Variants in SLC7A2 observed in about 807,000 individuals in gnomAD.
SLC7A2 encodes cationic amino acid transporter 2.
Under a neutral mutation model 58.9 loss-of-function variants are expected in SLC7A2, and 48 were observed. The ratio of observed to expected loss-of-function variants is 0.82; its 90% CI spans 0.65 to 1.04. The LOEUF (loss-of-function observed/expected upper bound fraction) is 1.04, where lower values mean the gene tolerates loss of function less well. Ranked by LOEUF, SLC7A2 falls within the 50% of genes least tolerant of loss-of-function variation. The pLI, the probability that SLC7A2 is intolerant of heterozygous loss-of-function variation, is 0.00. For missense variants in SLC7A2, 1,029 were observed against 818.8 expected (o/e 1.26, Z -3.13); for synonymous variants, 363 against 314.5 (o/e 1.15, Z -1.63).
intron 2 of SLC7A2, among the ~76,000 whole-genome samples, chr8:17,521,282 C>A (rs1163883173): frequency 6.6e-6 from 1 of 152,256 alleles, no homozygotes; most frequent in South Asian, 2.1e-4. Flanking sequence ...GCTTGGTATA[C>A]TTTGTGTTTT....
intron 2 of SLC7A2, among the ~76,000 whole-genome samples, chr8:17,526,993 A>G (rs955860114): frequency 5.3e-5 from 8 of 152,112 alleles, no homozygotes; most frequent in African/African-American, 1.7e-4. Context: ...ATGGGTCAGT[A>G]TCATCCTGAA....
chr8:17,564,021 A>G (rs1803149255), intron 12 of SLC7A2, among the ~76,000 whole-genome samples: 1 of 152,216 alleles, frequency 6.6e-6, no homozygotes, highest in Non-Finnish European at 1.5e-5. Flanking sequence ...CTAAAACAGC[A>G]AAATGCCTAC....
intron 8 of SLC7A2, chr8:17,555,002 G>A (rs771294966): frequency 1.1e-5 from 18 of 1,613,858 alleles, no homozygotes; most frequent in Non-Finnish European, 1.4e-5. Flanking sequence ...GCCCGGGATG[G>A]CTTACTGTTT....
At chr8:17,524,961 A>T (rs564471104) in intron 2 of SLC7A2, among the ~76,000 whole-genome samples, 1 of 152,188 alleles carries the variant, frequency 6.6e-6, no homozygotes, top group East Asian at 1.9e-4. Flanking sequence ...AAAATTTTTG[A>T]CTGGGGCAAG....
intron 2 of SLC7A2, among the ~76,000 whole-genome samples, chr8:17,516,529 G>A (rs969007854): frequency 6.6e-6 from 1 of 152,162 alleles, no homozygotes; most frequent in African/African-American, 2.4e-5. Flanking sequence ...TGGCCTATGT[G>A]TTGTCTGTTT....
At chr8:17,527,969 C>G (rs1428480788) in intron 2 of SLC7A2, among the ~76,000 whole-genome samples, 2 of 152,068 alleles carry the variant, frequency 1.3e-5, no homozygotes, top group East Asian at 3.9e-4. Flanking sequence ...TCTGTGAGAA[C>G]AGGGTGACCT....
Position 17,560,262 on chromosome 8 carries a change from G to A in SLC7A2, c.1299-66G>A, listed in dbSNP as rs182695535. The A allele has an allele frequency of 5.9e-5, 72 of 1,214,640 alleles. No homozygotes were observed. In the African/African-American group the frequency reaches 8.7e-4, roughly 15 times the overall value. The allele number at this position is 1,214,640 out of a possible 1,614,324, so 75.2% of individuals were successfully genotyped here. ...TATGATGTCTTACTTAAGGTTTTAG[G>A]TGCTGGTTTCACTTGGGCCAAATGT... On this transcript the variant is annotated intron_variant, in intron 9 of 12. Coordinates refer to ENST00000494857, the MANE Select transcript of SLC7A2 (RefSeq NM_001370338.1).
chr8:17,495,804 C>A (rs373698355), upstream of SLC7A2, among the ~76,000 whole-genome samples: 32 of 152,324 alleles, frequency 2.1e-4, no homozygotes, highest in East Asian at 4.4e-3. Flanking sequence ...CGCGCCTCGG[C>A]GTCCCAAAGT....
At chr8:17,544,367 A>C in intron 3 of SLC7A2, 84 bp from the exon 4 acceptor site, 1 of 1,185,148 alleles carries the variant, frequency 8.4e-7, no homozygotes, top group South Asian at 1.5e-5. Context: ...TTGTGAACTC[A>C]TGTTTATCCT....
intron 7 of SLC7A2, among the ~76,000 whole-genome samples, chr8:17,553,874 G>A (rs1044707385): frequency 2.6e-5 from 4 of 152,114 alleles, no homozygotes; most frequent in Admixed American, 2.6e-4. Context: ...GTGTGAAATG[G>A]TGCAGCTAGT....
chr8:17,559,612 A>G (rs1802867281), intron 9 of SLC7A2, among the ~76,000 whole-genome samples: 1 of 152,038 alleles, frequency 6.6e-6, no homozygotes, highest in Admixed American at 6.6e-5. Flanking sequence ...ATCAGATCTC[A>G]TGAGAACTCA....
At chr8:17,532,415 C>T (rs1563454705) in intron 2 of SLC7A2, among the ~76,000 whole-genome samples, 1 of 152,100 alleles carries the variant, frequency 6.6e-6, no homozygotes, top group East Asian at 1.9e-4. Flanking sequence ...CCCTTACCCA[C>T]AGACATCAAG....
intron 2 of SLC7A2, among the ~76,000 whole-genome samples, chr8:17,534,552 C>A (rs961535883): frequency 1.3e-5 from 2 of 152,108 alleles, no homozygotes; most frequent in African/African-American, 4.8e-5. Context: ...ATGAAAATAT[C>A]ATGCCAAATA....
At chr8:17,555,957 C>T (rs780059089) in intron 8 of SLC7A2, among the ~76,000 whole-genome samples, 2 of 152,126 alleles carry the variant, frequency 1.3e-5, no homozygotes, top group African/African-American at 2.4e-5. Flanking sequence ...ATGACAATTT[C>T]GTTGAGGCTC....
chr8:17,562,170 T>A, intron 11 of SLC7A2, 60 bp downstream of exon 11: 3 of 1,154,778 alleles, frequency 2.6e-6, no homozygotes, highest in Non-Finnish European at 3.5e-6. Flanking sequence ...GTATAATTAG[T>A]TTGGTAAGTA....
intron 9 of SLC7A2, among the ~76,000 whole-genome samples, chr8:17,559,441 C>G (rs1585267253): frequency 1.3e-5 from 2 of 152,240 alleles, no homozygotes; most frequent in East Asian, 1.9e-4. Context: ...TGGTGGGCAC[C>G]TGTTGTCCTA....
At chr8:17,546,422 A>C (rs1222729150) in intron 4 of SLC7A2, among the ~76,000 whole-genome samples, 1 of 152,214 alleles carries the variant, frequency 6.6e-6, no homozygotes, top group African/African-American at 2.4e-5. Flanking sequence ...ATGTCTTTTT[A>C]CGTGAAGCCG....
At chr8:17,516,737 A>G (rs1800818817) in intron 2 of SLC7A2, among the ~76,000 whole-genome samples, 1 of 152,190 alleles carries the variant, frequency 6.6e-6, no homozygotes, top group African/African-American at 2.4e-5. Flanking sequence ...CACCCCATCC[A>G]GTTGACTCTT....
intron 3 of SLC7A2, among the ~76,000 whole-genome samples, chr8:17,544,169 C>T (rs867796926): frequency 1.4e-4 from 22 of 152,302 alleles, no homozygotes; most frequent in Admixed American, 6.5e-4. Flanking sequence ...GGCACCCGGC[C>T]ACAAAATTCT....
Sources: allele counts gnomAD v4.1 joint callset (sites outside exome capture counted in the v4.1 genomes callset), GRCh38; gene constraint gnomAD v4.1.1; transcripts MANE v1.5; gene names NCBI Gene and HGNC (gene_info 2026-07-23, HGNC 2026-07-21).